Variants in EHBP1 observed in about 807,000 individuals in gnomAD.
EHBP1 encodes the protein EH domain-binding protein 1.
In EHBP1, 55 loss-of-function variants were observed where a neutral mutation model predicts 144.0. The observed-to-expected ratio is 0.38, with a 90% confidence interval of 0.31 to 0.48. EHBP1 has a LOEUF of 0.48. Among genes scored for constraint, EHBP1 ranks in the 20% least tolerant of loss-of-function variants. The pLI, the probability that EHBP1 is intolerant of heterozygous loss-of-function variation, is 0.98. For missense variants in EHBP1, 1,200 were observed against 1,364.2 expected (o/e 0.88, Z 1.90); for synonymous variants, 469 against 472.7 (o/e 0.99, Z 0.10).
chr2:62,801,672 T>C (rs954321935), intron 5 of EHBP1, among the ~76,000 whole-genome samples: 1 of 152,246 alleles, frequency 6.6e-6, no homozygotes, highest in Admixed American at 6.5e-5. Flanking sequence ...CTTACATGTC[T>C]GTAATTAAGT....
Position 62,993,591 on chromosome 2 carries a change from C to A in EHBP1, c.2795C>A (p.Pro932His). The A allele has an allele frequency of 6.2e-7, 1 of 1,609,874 alleles. No individual in the cohort carries two copies. The highest frequency in any genetic ancestry group is 1.1e-5 in the South Asian group (1 of 90,566). ...AAAACAACAGAACGTTTTAGAAATC[C>A]TGTTGTGTTCAGCAAAGATTCTACA... Reference protein sequence around the residue: ...LQKTTERFRNPVVFSKDSTVR... With the variant: ...LQKTTERFRNHVVFSKDSTVR... Residue 932 changes from proline (P) to histidine (H), a missense_variant, in exon 17 of 23, where the codon CCT (proline) becomes CAT (histidine). Coordinates refer to ENST00000431489, the MANE Select transcript of EHBP1 (RefSeq NM_001142616.3).
intron 5 of EHBP1, among the ~76,000 whole-genome samples, chr2:62,798,390 C>T (rs1387883600): frequency 6.6e-6 from 1 of 151,706 alleles, no homozygotes; most frequent in Non-Finnish European, 1.5e-5. Flanking sequence ...AAAGAAATAT[C>T]TGTAGAAATC....
At chr2:62,800,674 A>G (rs956120291) in intron 5 of EHBP1, among the ~76,000 whole-genome samples, 1 of 152,202 alleles carries the variant, frequency 6.6e-6, no homozygotes, top group Non-Finnish European at 1.5e-5. Context: ...AAGCATTTGA[A>G]GGTGTTTCTC....
At chr2:62,796,897 C>T (rs1046204531) in intron 5 of EHBP1, among the ~76,000 whole-genome samples, 1 of 151,578 alleles carries the variant, frequency 6.6e-6, no homozygotes, top group African/African-American at 2.4e-5. Flanking sequence ...TAAGTTCTCC[C>T]TCCTCCGTAG....
intron 2 of EHBP1, among the ~76,000 whole-genome samples, chr2:62,725,257 T>TATATGCATGTGCCTC (rs2036648943): frequency 2.0e-5 from 3 of 152,130 alleles, no homozygotes; most frequent in Admixed American, 2.0e-4. Context: ...GCTTGTGCCT[T>TATATGCATGTGCCTC]ATTTGCATGT....
At chr2:62,989,969 T>G (rs1215518636) in intron 15 of EHBP1, among the ~76,000 whole-genome samples, 2 of 152,166 alleles carry the variant, frequency 1.3e-5, no homozygotes, top group Non-Finnish European at 2.9e-5. Context: ...ATTAGAAAAG[T>G]TATTAATCTT....
chr2:62,787,211 T>C (rs1326743711), intron 5 of EHBP1, among the ~76,000 whole-genome samples: 1 of 152,218 alleles, frequency 6.6e-6, no homozygotes, highest in Admixed American at 6.5e-5. Flanking sequence ...GTGCTTGAAT[T>C]ATACTTAATA....
intron 14 of EHBP1, among the ~76,000 whole-genome samples, chr2:62,967,569 G>GT (rs1163709210): frequency 1.2e-4 from 18 of 152,128 alleles, no homozygotes; most frequent in African/African-American, 2.4e-5. Context: ...AAAGGATGTG[G>GT]TTTTCACTTG....
chr2:62,899,494 A>C (rs2053224450), intron 10 of EHBP1, among the ~76,000 whole-genome samples: 2 of 152,220 alleles, frequency 1.3e-5, no homozygotes, highest in African/African-American at 4.8e-5. Context: ...CTCAGGGATA[A>C]TATGAAAGCA....
chr2:62,690,428 G>A (rs528844024), intron 1 of EHBP1, among the ~76,000 whole-genome samples: 1 of 152,110 alleles, frequency 6.6e-6, no homozygotes, highest in East Asian at 1.9e-4. Context: ...TGGGTGTGGT[G>A]GTGGGCACCT....
chr2:62,742,969 G>A (rs987848004), intron 2 of EHBP1, among the ~76,000 whole-genome samples: 1 of 151,900 alleles, frequency 6.6e-6, no homozygotes, highest in African/African-American at 2.4e-5. Context: ...CCTCCCACCA[G>A]CATAAAGTAA....
At chr2:62,944,775 G>C (rs1028980974) in intron 12 of EHBP1, among the ~76,000 whole-genome samples, 2 of 152,152 alleles carry the variant, frequency 1.3e-5, no homozygotes, top group African/African-American at 2.4e-5. Flanking sequence ...TGACTTATCT[G>C]TTTACCCCAG....
chr2:62,766,630 T>C (rs926570036), intron 4 of EHBP1, among the ~76,000 whole-genome samples: 2 of 152,168 alleles, frequency 1.3e-5, no homozygotes, highest in African/African-American at 4.8e-5. Context: ...ACCCCACTAC[T>C]TTTCTCTGTT....
chr2:62,966,922 G>T (rs1329868064), intron 14 of EHBP1, among the ~76,000 whole-genome samples: 1 of 152,136 alleles, frequency 6.6e-6, no homozygotes, highest in Non-Finnish European at 1.5e-5. Context: ...TGAACTATTT[G>T]ACAAGATTTC....
chr2:62,694,437 T>G (rs1224904490), intron 1 of EHBP1, among the ~76,000 whole-genome samples: 1 of 152,046 alleles, frequency 6.6e-6, no homozygotes, highest in Non-Finnish European at 1.5e-5. Context: ...AAGTTTTCAA[T>G]TTTTAGTTGA....
At chr2:62,997,094 GA>G (rs1044492220) in intron 19 of EHBP1, among the ~76,000 whole-genome samples, 1 of 151,650 alleles carries the variant, frequency 6.6e-6, no homozygotes, top group African/African-American at 2.4e-5. Context: ...ATTCATTGGG[GA>G]AAAAAAAGAT....
At chr2:62,783,479 C>T (rs1251017393) in intron 5 of EHBP1, among the ~76,000 whole-genome samples, 1 of 152,266 alleles carries the variant, frequency 6.6e-6, no homozygotes, top group African/African-American at 2.4e-5. Context: ...TCTGGACATC[C>T]AGGCCTTTGT....
At chr2:62,846,665 A>C (rs1018597420) in intron 7 of EHBP1, among the ~76,000 whole-genome samples, 2 of 152,182 alleles carry the variant, frequency 1.3e-5, no homozygotes, top group Non-Finnish European at 2.9e-5. Flanking sequence ...ATATAGAAAA[A>C]TCTACTGTAT....
intron 3 of EHBP1, among the ~76,000 whole-genome samples, chr2:62,760,191 C>T (rs994362456): frequency 6.6e-6 from 1 of 152,076 alleles, no homozygotes. Context: ...CAGTTCATAC[C>T]TGTGTTGTTC....
Sources: gnomAD v4.1 joint callset for allele counts (sites outside exome capture counted in the v4.1 genomes callset) on GRCh38, gnomAD v4.1.1 for gene constraint, MANE v1.5 for transcripts, NCBI Gene and HGNC (gene_info 2026-07-23, HGNC 2026-07-21) for gene names.